CNTN1: variants seen among roughly 807,000 people sequenced by gnomAD.
CNTN1 encodes the protein contactin 1, also known as contactin-1.
Under a neutral mutation model 126.4 loss-of-function variants are expected in CNTN1, and 38 were observed. That is an observed-to-expected ratio of 0.30 (90% CI 0.23 to 0.39). The LOEUF is 0.39. Among genes scored for constraint, CNTN1 ranks in the 10% least tolerant of loss-of-function variants. CNTN1 has a pLI of 1.00. For synonymous variants in CNTN1, 413 were observed against 422.6 expected, an observed-to-expected ratio of 0.98 and a Z score of 0.28; for missense variants, 1,009 against 1,248.4, an observed-to-expected ratio of 0.81 and a Z score of 2.89.
At chr12:40,758,242 T>C (rs1938689700) in intron 1 of CNTN1, among the ~76,000 whole-genome samples, 1 of 151,868 alleles carries the variant, frequency 6.6e-6, no homozygotes, top group African/African-American at 2.4e-5. Context: ...TTATGAATAT[T>C]TTATACAGTA....
At chr12:40,950,201 T>C (rs1946619029) in intron 14 of CNTN1, among the ~76,000 whole-genome samples, 1 of 151,572 alleles carries the variant, frequency 6.6e-6, no homozygotes, top group Non-Finnish European at 1.5e-5. Context: ...TCCAAAAACC[T>C]AGTATTATCT....
intron 4 of CNTN1, among the ~76,000 whole-genome samples, chr12:40,921,106 A>G (rs1945426363): frequency 6.6e-6 from 1 of 152,210 alleles, no homozygotes; most frequent in East Asian, 1.9e-4. Flanking sequence ...ATTGGATTGT[A>G]ATTTAGTAAG....
At position 40,760,454 on chromosome 12, in the gene CNTN1, T is replaced by G. The variant is rs1938813420; in HGVS notation, c.-77+67862T>G. Among the ~76,000 whole-genome samples, 4 of 152,024 alleles carry G rather than the reference T, an allele frequency of 2.6e-5. No homozygotes were observed. In the South Asian group the frequency reaches 8.3e-4, roughly 31 times the overall value. ...ACACTGCTACCAACATTATTATTAT[T>G]GACAGCAGTTAATGTTTTTTTTTTT... On this transcript the variant is annotated intron_variant, in intron 1 of 23. Coordinates refer to ENST00000551295, the MANE Select transcript of CNTN1 (RefSeq NM_001843.4).
chr12:40,890,046 G>T (rs1944186379), intron 1 of CNTN1, among the ~76,000 whole-genome samples: 1 of 152,044 alleles, frequency 6.6e-6, no homozygotes, highest in Non-Finnish European at 1.5e-5. Flanking sequence ...CAATAAAAAA[G>T]AAATACAGAT....
At chr12:40,825,529 C>T (rs1941584799) in intron 1 of CNTN1, among the ~76,000 whole-genome samples, 1 of 152,158 alleles carries the variant, frequency 6.6e-6, no homozygotes, top group Admixed American at 6.6e-5. Context: ...TCTGCAAAGA[C>T]ATCACATTTG....
Position 40,929,678 on chromosome 12 carries a change from C to T in CNTN1, c.497-118C>T, listed in dbSNP as rs17622354. The T allele has an allele frequency of 0.39, 297,375 of 757,198 alleles. 59,405 individuals carry two copies. The highest frequency in any genetic ancestry group is 0.44 in the African/African-American group (25,248 of 57,582). 46.9% of individuals were successfully genotyped at this position (757,198 alleles called of 1,614,324 possible). ...ACTGTTTGTCTTGGCTTTCTCCTAA[C>T]ATTTGCTCCACAATAGCCTTTATTA... On this transcript the variant is annotated intron_variant, in intron 6 of 23. Transcript: ENST00000551295.
At position 40,981,069 on chromosome 12, in the gene CNTN1, TGAG is replaced by T; in HGVS notation, c.1963+3_1963+5del. On this transcript the variant is annotated splice_donor_5th_base_variant and intron_variant, in intron 16 of 23. Coordinates refer to ENST00000551295, the MANE Select transcript of CNTN1 (RefSeq NM_001843.4). ...ATGACTGGAAAGATGCAAAGACAGG[TGAG>T]TTTTATTTGTCTGATTAATCCGTGC... 1 of 1,612,160 alleles carries T rather than the reference TGAG, an allele frequency of 6.2e-7. No homozygotes were observed. The highest frequency in any genetic ancestry group is 1.1e-5 in the South Asian group (1 of 91,010).
At chr12:40,975,002 T>C (rs1041388597) in intron 15 of CNTN1, among the ~76,000 whole-genome samples, 34 of 151,932 alleles carry the variant, frequency 2.2e-4, no homozygotes, top group Admixed American at 3.9e-4. Flanking sequence ...GGAAGTCTTT[T>C]GCAGACAGGC....
chr12:41,047,127 C>T (rs961030791), intron 23 of CNTN1, among the ~76,000 whole-genome samples: 1 of 152,022 alleles, frequency 6.6e-6, no homozygotes, highest in Non-Finnish European at 1.5e-5. Flanking sequence ...CCCCAACATT[C>T]ACCCTCTCAC....
intron 1 of CNTN1, among the ~76,000 whole-genome samples, chr12:40,721,453 T>C (rs1292908762): frequency 6.6e-6 from 1 of 152,128 alleles, no homozygotes; most frequent in Non-Finnish European, 1.5e-5. Flanking sequence ...AAAGAAAAAT[T>C]TGACTTTGAT....
rs1480247277 is a variant in CNTN1, at chr12:40,931,140, C to T, written c.703+1138C>T. On this transcript the variant is annotated intron_variant, in intron 7 of 23. Transcript: ENST00000551295. ...ACACTTATTTTCTTCTTTCCTGAATCCTCAGATTCTGCTCTACCTCATTAT... is the reference window on the plus strand; with the variant it reads ...ACACTTATTTTCTTCTTTCCTGAATTCTCAGATTCTGCTCTACCTCATTAT... Among the ~76,000 whole-genome samples, 4 of 151,950 alleles carry T rather than the reference C, an allele frequency of 2.6e-5. No individual in the cohort carries two copies. The East Asian group carries it at 7.7e-4, about 29-fold the overall frequency.
At chr12:40,699,918 T>G (rs2121104871) in intron 1 of CNTN1, among the ~76,000 whole-genome samples, 1 of 152,310 alleles carries the variant, frequency 6.6e-6, no homozygotes, top group South Asian at 2.1e-4. Context: ...TTTGTCTAGG[T>G]TAAGGACAAC....
intron 4 of CNTN1, among the ~76,000 whole-genome samples, chr12:40,919,753 C>A (rs938472129): frequency 2.0e-5 from 3 of 152,068 alleles, no homozygotes; most frequent in African/African-American, 7.2e-5. Context: ...AATTTAGATA[C>A]AAAATCACCA....
At chr12:41,027,791 C>T in intron 21 of CNTN1, 66 bp from the exon 22 acceptor site, 1 of 942,094 alleles carries the variant, frequency 1.1e-6, no homozygotes, top group South Asian at 1.3e-5. Context: ...ATACCTGATG[C>T]AATAGAGTAT....
At chr12:40,795,534 C>G (rs934345807) in intron 1 of CNTN1, among the ~76,000 whole-genome samples, 1 of 150,494 alleles carries the variant, frequency 6.6e-6, no homozygotes, top group Non-Finnish European at 1.5e-5. Context: ...TATATGTATT[C>G]TATTTATAGG....
At chr12:41,009,059 C>T (rs1166146369) in intron 17 of CNTN1, among the ~76,000 whole-genome samples, 1 of 152,180 alleles carries the variant, frequency 6.6e-6, no homozygotes. Context: ...ACTCCTTGCT[C>T]TGTAAAGGAG....
chr12:40,951,639 G>T (rs1440741078), intron 14 of CNTN1, among the ~76,000 whole-genome samples: 1 of 148,566 alleles, frequency 6.7e-6, no homozygotes, highest in Non-Finnish European at 1.5e-5. Context: ...AACCCAGGAG[G>T]TGGAGGTTGC....
chr12:40,998,390 A>C (rs1004549218), intron 17 of CNTN1, among the ~76,000 whole-genome samples: 2 of 152,142 alleles, frequency 1.3e-5, no homozygotes, highest in Non-Finnish European at 2.9e-5. Flanking sequence ...GCAACTAAAA[A>C]CTCATTCTGC....
intron 1 of CNTN1, among the ~76,000 whole-genome samples, chr12:40,767,459 C>T (rs1307443805): frequency 1.3e-5 from 2 of 150,494 alleles, no homozygotes; most frequent in South Asian, 2.1e-4. Context: ...CAGGCGTGCA[C>T]CACCTCGCCC....
Sources: gnomAD v4.1 joint callset for allele counts (sites outside exome capture counted in the v4.1 genomes callset) on GRCh38, gnomAD v4.1.1 for gene constraint, MANE v1.5 for transcripts, NCBI Gene and HGNC (gene_info 2026-07-23, HGNC 2026-07-21) for gene names.